PPP1R1C: variants seen among roughly 807,000 people sequenced by gnomAD.
The protein encoded by PPP1R1C is protein phosphatase 1 regulatory subunit 1C.
Under a neutral mutation model 17.4 loss-of-function variants are expected in PPP1R1C, and 15 were observed. That is an observed-to-expected ratio of 0.86 (90% confidence interval 0.58 to 1.33). PPP1R1C has a LOEUF of 1.33. Ranked by LOEUF, PPP1R1C falls within the 40% of genes most tolerant of loss-of-function variation. The probability of loss-of-function intolerance (pLI) is 0.00; values close to 1 mark genes in which losing one functional copy is unlikely to be tolerated. For synonymous variants in PPP1R1C, 35 were observed against 43.1 expected (o/e 0.81, Z 0.73); for missense variants, 143 against 130.0 (o/e 1.10, Z -0.48).
At chr2:182,082,002 G>C (rs142712747) in intron 4 of PPP1R1C, among the ~76,000 whole-genome samples, 1 of 151,938 alleles carries the variant, frequency 6.6e-6, no homozygotes, top group African/African-American at 2.4e-5. Flanking sequence ...TTAAAAAAAG[G>C]TCTTTTTTAT....
At chr2:181,991,109 G>A (rs923801398) in intron 2 of PPP1R1C, among the ~76,000 whole-genome samples, 2 of 70,468 alleles carry the variant, frequency 2.8e-5, no homozygotes, top group Non-Finnish European at 5.3e-5. Context: ...ATTAGACATA[G>A]CTTGCTTTTT....
At chr2:182,018,553 C>T (rs1196187) in intron 2 of PPP1R1C, among the ~76,000 whole-genome samples, 151,546 of 152,316 alleles carry the variant, frequency 0.99, 75,397 homozygotes, top group Middle Eastern at 1. Flanking sequence ...GAGCAGATGG[C>T]TAACACAGAT....
At chr2:182,072,505 G>T (rs567744772) in intron 4 of PPP1R1C, among the ~76,000 whole-genome samples, 1 of 152,284 alleles carries the variant, frequency 6.6e-6, no homozygotes, top group East Asian at 1.9e-4. Flanking sequence ...TATTTTGGAG[G>T]AAAGTGTGGA....
chr2:182,012,719 T>A (rs1228006060), intron 2 of PPP1R1C, among the ~76,000 whole-genome samples: 1 of 152,122 alleles, frequency 6.6e-6, no homozygotes, highest in African/African-American at 2.4e-5. Context: ...GTGATTTTTC[T>A]CTGGTAGTAT....
rs1684695161 is a variant in PPP1R1C at position 181,957,712 on chromosome 2, G to GCCC, written n.111+3080_111+3082dup. ...CATACCTTAGGAATCTGTCTCCCAT[G>GCCC]CCCCACTCAGCTCCCCTTTCCTTGC... On this transcript the variant is annotated intron_variant and non_coding_transcript_variant, in intron 1 of 5. Coordinates refer to the PPP1R1C transcript ENST00000464264. This position sits in a 1 kb window ranked among gnomAD's most constrained non-coding sequence, Gnocchi z 4.2. Among the ~76,000 whole-genome samples, 1 of 152,078 alleles carries GCCC rather than the reference G, an allele frequency of 6.6e-6. No individual in the cohort carries two copies. The highest frequency in any genetic ancestry group is 6.5e-5 in the Admixed American group (1 of 15,276).
At chr2:182,052,170 T>G (rs2125189152) in intron 2 of PPP1R1C, among the ~76,000 whole-genome samples, 1 of 152,212 alleles carries the variant, frequency 6.6e-6, no homozygotes, top group South Asian at 2.1e-4. Flanking sequence ...AAATAAAAAC[T>G]TAGCTTTTAG....
At chr2:182,067,633 T>C (rs762122274) in intron 4 of PPP1R1C, among the ~76,000 whole-genome samples, 5 of 152,168 alleles carry the variant, frequency 3.3e-5, no homozygotes, top group Non-Finnish European at 5.9e-5. Context: ...ACTTATTAGC[T>C]GTGCAACCTT....
intron 2 of PPP1R1C, among the ~76,000 whole-genome samples, chr2:182,041,295 A>G (rs1232097262): frequency 6.6e-6 from 1 of 152,162 alleles, no homozygotes; most frequent in African/African-American, 2.4e-5. Flanking sequence ...TGGACTTCTT[A>G]TGAAGCACTT....
intron 2 of PPP1R1C, among the ~76,000 whole-genome samples, chr2:182,035,990 T>TAC (rs35108850): frequency 0.042 from 6,377 of 150,436 alleles, 404 homozygotes; most frequent in Admixed American, 0.18. Context: ...TGTGTGTTTA[T>TAC]ACACACACAC....
At chr2:182,104,158 AT>A (rs2125229497) in intron 4 of PPP1R1C, among the ~76,000 whole-genome samples, 1 of 152,330 alleles carries the variant, frequency 6.6e-6, no homozygotes, top group East Asian at 1.9e-4. Context: ...AACAAGGGCA[AT>A]TTAACTTCTT....
intron 4 of PPP1R1C, among the ~76,000 whole-genome samples, chr2:182,112,474 T>C (rs1689470793): frequency 6.6e-6 from 1 of 152,134 alleles, no homozygotes; most frequent in Non-Finnish European, 1.5e-5. Context: ...GGCCTCATGA[T>C]CTTGAGTCAC....
intron 1 of PPP1R1C, among the ~76,000 whole-genome samples, chr2:181,959,040 A>G (rs770009109): frequency 3.9e-5 from 6 of 152,236 alleles, no homozygotes; most frequent in Non-Finnish European, 8.8e-5. Flanking sequence ...GCGTTAGTAT[A>G]ATAGATATTA....
At chr2:182,106,943 G>A (rs1198720734) in intron 4 of PPP1R1C, among the ~76,000 whole-genome samples, 1 of 152,062 alleles carries the variant, frequency 6.6e-6, no homozygotes, top group East Asian at 1.9e-4. Flanking sequence ...CCTTCGAGGG[G>A]TATAAGGAAA....
At chr2:182,044,497 C>T (rs956896639) in intron 2 of PPP1R1C, among the ~76,000 whole-genome samples, 2 of 152,152 alleles carry the variant, frequency 1.3e-5, no homozygotes, top group Non-Finnish European at 2.9e-5. Flanking sequence ...CAGTCTTACC[C>T]CACCCAACTT....
intron 2 of PPP1R1C, among the ~76,000 whole-genome samples, chr2:182,010,326 G>T (rs894222488): frequency 2.0e-5 from 3 of 151,768 alleles, no homozygotes; most frequent in Non-Finnish European, 2.9e-5. Flanking sequence ...TTTCATTGTA[G>T]AAATCTTTTA....
chr2:182,106,779 G>C (rs1689266275), intron 4 of PPP1R1C, among the ~76,000 whole-genome samples: 1 of 152,154 alleles, frequency 6.6e-6, no homozygotes, highest in Admixed American at 6.5e-5. Context: ...AAAGCACACT[G>C]TAATATGCAC....
At chr2:181,954,849 A>AT (rs1037609195) in intron 1 of PPP1R1C, among the ~76,000 whole-genome samples, 7 of 151,880 alleles carry the variant, frequency 4.6e-5, no homozygotes, top group Non-Finnish European at 8.8e-5. Context: ...TTAAAGAGAG[A>AT]TTTTTTTTCC....
chr2:182,004,633 G>A (rs1685863244), intron 2 of PPP1R1C, among the ~76,000 whole-genome samples: 1 of 152,226 alleles, frequency 6.6e-6, no homozygotes, highest in African/African-American at 2.4e-5. Context: ...GGTGGAGGGT[G>A]GAGATTTGGC....
rs568666376 is a variant in PPP1R1C, at chr2:182,010,320, A to G, written c.142+22421A>G. The stretch of plus-strand genomic sequence containing the variant: ...CTTTCATCAAAGTTTTACAGTTTTC[A>G]TTGTAGAAATCTTTTACTTCTTTAA... On this transcript the variant is annotated intron_variant, in intron 2 of 4. Coordinates refer to ENST00000682840, the MANE Select transcript of PPP1R1C (RefSeq NM_001080545.3). 3.8e-4 allele frequency among the ~76,000 whole-genome samples: 58 copies of G among 151,900 alleles called. 1 individual carries two copies. The highest frequency in any genetic ancestry group is 7.8e-4 in the Non-Finnish European group (53 of 67,830).
Sources: allele counts gnomAD v4.1 joint callset (sites outside exome capture counted in the v4.1 genomes callset), GRCh38; gene constraint gnomAD v4.1.1; non-coding constraint Gnocchi (gnomAD v3.1); transcripts MANE v1.5; gene names NCBI Gene and HGNC (gene_info 2026-07-23, HGNC 2026-07-21).